The following MYRIP variants were observed in gnomAD, a reference collection of about 807,000 sequenced individuals.
MYRIP encodes the protein myosin VIIA and Rab interacting protein.
In MYRIP, 49 loss-of-function variants were observed where a neutral mutation model predicts 98.0. That is an observed-to-expected ratio of 0.50 (90% CI 0.40 to 0.63). The LOEUF (loss-of-function observed/expected upper bound fraction) is 0.63, where lower values mean the gene tolerates loss of function less well. MYRIP is among the 30% of genes least tolerant of loss of function. The pLI is 0.00. For missense variants in MYRIP, 1,004 were observed against 1,058.2 expected (o/e 0.95, Z 0.71); for synonymous variants, 404 against 409.5 (o/e 0.99, Z 0.16).
chr3:39,810,260 G>C (rs932838714), intron 1 of MYRIP, among the ~76,000 whole-genome samples: 1 of 152,198 alleles, frequency 6.6e-6, no homozygotes, highest in African/African-American at 2.4e-5. Context: ...CGTACCTACT[G>C]TGCTGCGGGC....
intron 2 of MYRIP, among the ~76,000 whole-genome samples, chr3:40,036,659 A>G (rs1553607344): frequency 6.6e-6 from 1 of 152,046 alleles, no homozygotes; most frequent in Non-Finnish European, 1.5e-5. Context: ...AGAACACCCC[A>G]TTTGCAACCA....
In MYRIP at chr3:40,252,013, C is replaced by G; in HGVS notation, c.2547+14C>G. On this transcript the variant is annotated intron_variant, in intron 16 of 16. Transcript: ENST00000302541. ...AAGGATTTGATGGTAAATGTCATCT[C>G]TGTCTTAATGTTCAACGCTTTCACT... 1 of 1,568,398 alleles carries G rather than the reference C, an allele frequency of 6.4e-7. No homozygotes were observed. The highest frequency in any genetic ancestry group is 8.8e-7 in the Non-Finnish European group (1 of 1,138,664).
At chr3:39,876,015 C>G (rs928076233) in intron 1 of MYRIP, among the ~76,000 whole-genome samples, 4 of 152,092 alleles carry the variant, frequency 2.6e-5, no homozygotes, top group Non-Finnish European at 5.9e-5. Context: ...CTTTATGAAT[C>G]TGGGTGCTCC....
At chr3:40,257,862 G>C (rs1279456753) in intron 16 of MYRIP, among the ~76,000 whole-genome samples, 1 of 152,132 alleles carries the variant, frequency 6.6e-6, no homozygotes, top group Non-Finnish European at 1.5e-5. Context: ...TATTAAACAA[G>C]AACACTGTGC....
chr3:39,932,525 T>A (rs1216526492), intron 2 of MYRIP, among the ~76,000 whole-genome samples: 1 of 152,124 alleles, frequency 6.6e-6, no homozygotes, highest in Non-Finnish European at 1.5e-5. Context: ...CATGCCCAGC[T>A]AAATTTTTCG....
intron 4 of MYRIP, among the ~76,000 whole-genome samples, chr3:40,158,085 G>C (rs1016104249): frequency 1.6e-4 from 25 of 152,164 alleles, no homozygotes; most frequent in African/African-American, 5.8e-4. Context: ...TAATTGTGAT[G>C]TTAGGGTGTC....
chr3:40,069,318 T>A (rs1948179495), intron 3 of MYRIP, among the ~76,000 whole-genome samples: 1 of 152,170 alleles, frequency 6.6e-6, no homozygotes, highest in South Asian at 2.1e-4. Flanking sequence ...GTACTTTTCA[T>A]GTGCTTATTT....
At chr3:40,086,941 C>A (rs1055959329) in intron 3 of MYRIP, among the ~76,000 whole-genome samples, 1 of 152,122 alleles carries the variant, frequency 6.6e-6, no homozygotes, top group South Asian at 2.1e-4. Context: ...GGGGTAGGAA[C>A]AAGGGAAGCC....
chr3:40,091,576 C>T (rs184862233), intron 3 of MYRIP, among the ~76,000 whole-genome samples: 136 of 152,352 alleles, frequency 8.9e-4, no homozygotes, highest in African/African-American at 3.2e-3. Context: ...CAGACCTCTT[C>T]CTGTTGTCTA....
rs537435148 is a variant in MYRIP at position 39,940,603 on chromosome 3, A to G, written c.110+39677A>G. Among the ~76,000 whole-genome samples, 13 of 152,224 alleles carry G rather than the reference A, an allele frequency of 8.5e-5. No individual in the cohort carries two copies. The South Asian group carries it at 2.1e-3, about 24-fold the overall frequency. ...TAGCTTCTATTTCTTCACTTATCTT[A>G]ATGGAGAAAAATTATTTTATTTTTT... On this transcript the variant is annotated intron_variant, in intron 2 of 16. Coordinates refer to ENST00000302541, the MANE Select transcript of MYRIP (RefSeq NM_015460.4).
intron 3 of MYRIP, among the ~76,000 whole-genome samples, chr3:40,113,880 A>G (rs201630876): frequency 9.9e-5 from 15 of 151,770 alleles, no homozygotes; most frequent in African/African-American, 2.4e-4. Flanking sequence ...TAGTAGAGAC[A>G]GGGTTTCACC....
At chr3:39,815,417 G>A (rs1390552922) in intron 1 of MYRIP, among the ~76,000 whole-genome samples, 1 of 151,792 alleles carries the variant, frequency 6.6e-6, no homozygotes, top group Non-Finnish European at 1.5e-5. Context: ...GTGTGTGTAT[G>A]TATGTATATA....
At chr3:39,950,773 C>A (rs1944994433) in intron 2 of MYRIP, among the ~76,000 whole-genome samples, 1 of 152,136 alleles carries the variant, frequency 6.6e-6, no homozygotes, top group Admixed American at 6.6e-5. Context: ...CTGGTGGCCA[C>A]ATTTAATCTA....
intron 2 of MYRIP, among the ~76,000 whole-genome samples, chr3:39,962,417 C>A (rs1000185096): frequency 6.6e-6 from 1 of 150,736 alleles, no homozygotes; most frequent in African/African-American, 2.4e-5. Flanking sequence ...TGGATAAGGA[C>A]CCCAAAGCAC....
At chr3:40,122,256 G>C (rs146525782) in intron 3 of MYRIP, among the ~76,000 whole-genome samples, 1 of 151,822 alleles carries the variant, frequency 6.6e-6, no homozygotes, top group African/African-American at 2.4e-5. Context: ...AATTGGACAT[G>C]TATGAATTAT....
At chr3:40,228,378 A>AT (rs1033470900) in intron 11 of MYRIP, among the ~76,000 whole-genome samples, 27 of 152,172 alleles carry the variant, frequency 1.8e-4, no homozygotes, top group African/African-American at 6.3e-4. Flanking sequence ...GCAAAGATTC[A>AT]TTTTTTTCTT....
intron 2 of MYRIP, among the ~76,000 whole-genome samples, chr3:39,929,869 G>A (rs959068037): frequency 2.6e-5 from 4 of 151,986 alleles, no homozygotes; most frequent in Non-Finnish European, 4.4e-5. Context: ...AACTTGGCAT[G>A]TTTTCGAGGT....
intron 8 of MYRIP, among the ~76,000 whole-genome samples, chr3:40,176,930 A>T (rs1449523774): frequency 6.6e-6 from 1 of 151,500 alleles, no homozygotes; most frequent in African/African-American, 2.4e-5. Context: ...AAAAAAGAAA[A>T]GAAAAGAAAA....
intron 2 of MYRIP, among the ~76,000 whole-genome samples, chr3:39,904,455 C>T (rs931885706): frequency 1.3e-5 from 2 of 152,130 alleles, no homozygotes; most frequent in African/African-American, 2.4e-5. Flanking sequence ...AGGTGGGTCT[C>T]GAACTCCTGA....
Sources: allele counts gnomAD v4.1 joint callset (sites outside exome capture counted in the v4.1 genomes callset), GRCh38; gene constraint gnomAD v4.1.1; transcripts MANE v1.5; gene names NCBI Gene and HGNC (gene_info 2026-07-23, HGNC 2026-07-21).